MACROD2: variants seen among roughly 807,000 people sequenced by gnomAD.
The protein encoded by MACROD2 is mono-ADP ribosylhydrolase 2.
MACROD2 carries 36 observed loss-of-function variants against 70.4 expected under a neutral mutation model. The ratio of observed to expected loss-of-function variants is 0.51; its 90% CI spans 0.39 to 0.68. The LOEUF (loss-of-function observed/expected upper bound fraction) is 0.68, where lower values mean the gene tolerates loss of function less well. Ranked by LOEUF, MACROD2 falls within the 30% of genes least tolerant of loss-of-function variation. The probability of loss-of-function intolerance (pLI) is 0.00; values close to 1 mark genes in which losing one functional copy is unlikely to be tolerated. For missense variants in MACROD2, 496 were observed against 538.4 expected, an observed-to-expected ratio of 0.92 and a Z score of 0.78; for synonymous variants, 172 against 178.8, an observed-to-expected ratio of 0.96 and a Z score of 0.30.
intron 5 of MACROD2, among the ~76,000 whole-genome samples, chr20:15,048,193 T>C (rs1484167254): frequency 6.6e-6 from 1 of 152,140 alleles, no homozygotes; most frequent in Non-Finnish European, 1.5e-5. Context: ...TGAGAATTGC[T>C]TGAACCCAGG....
intron 3 of MACROD2, among the ~76,000 whole-genome samples, chr20:14,440,413 C>T (rs1410293533): frequency 6.6e-6 from 1 of 151,962 alleles, no homozygotes; most frequent in Non-Finnish European, 1.5e-5. Flanking sequence ...ATGCGTGGCC[C>T]AAGACAATTC....
At chr20:14,515,463 A>ACACGCG (rs34190778) in intron 4 of MACROD2, among the ~76,000 whole-genome samples, 1 of 138,822 alleles carries the variant, frequency 7.2e-6, no homozygotes, top group African/African-American at 2.9e-5. Context: ...ATACACACAC[A>ACACGCG]CGCACACACA....
chr20:15,182,485 C>T (rs753260090), intron 5 of MACROD2, among the ~76,000 whole-genome samples: 2 of 151,968 alleles, frequency 1.3e-5, no homozygotes, highest in Non-Finnish European at 2.9e-5. Flanking sequence ...TTTCCTGGGG[C>T]GGAAGACCCT....
At chr20:15,105,305 G>T (rs1265044525) in intron 5 of MACROD2, among the ~76,000 whole-genome samples, 1 of 151,996 alleles carries the variant, frequency 6.6e-6, no homozygotes, top group Non-Finnish European at 1.5e-5. Context: ...TGATCTCTCA[G>T]GTTCAACTCC....
At chr20:15,969,234 C>T (rs776995729) in intron 13 of MACROD2, among the ~76,000 whole-genome samples, 6 of 151,848 alleles carry the variant, frequency 4.0e-5, no homozygotes, top group Non-Finnish European at 7.4e-5. Flanking sequence ...AAAATATTTA[C>T]TAGGAGTGAA....
intron 8 of MACROD2, among the ~76,000 whole-genome samples, chr20:15,800,463 TAA>T (rs1400845028): frequency 6.6e-6 from 1 of 152,208 alleles, no homozygotes; most frequent in Non-Finnish European, 1.5e-5. Context: ...AATTTTTGTA[TAA>T]GAGATAAAGG....
At chr20:14,502,641 A>G (rs1323896592) in intron 4 of MACROD2, among the ~76,000 whole-genome samples, 1 of 152,210 alleles carries the variant, frequency 6.6e-6, no homozygotes, top group Non-Finnish European at 1.5e-5. Flanking sequence ...CATTATTATT[A>G]ATATTATAGT....
chr20:15,744,466 A>G (rs533180398), intron 8 of MACROD2, among the ~76,000 whole-genome samples: 2 of 152,308 alleles, frequency 1.3e-5, no homozygotes, highest in South Asian at 2.1e-4. Flanking sequence ...TGGCAGAGTT[A>G]TACTTGCTGT....
chr20:14,152,678 C>T (rs556086125), intron 3 of MACROD2, among the ~76,000 whole-genome samples: 3 of 152,242 alleles, frequency 2.0e-5, no homozygotes, highest in East Asian at 1.9e-4. Flanking sequence ...CCACCCACCT[C>T]GGCCTCCCAA....
At chr20:14,955,929 A>T (rs1437567357) in intron 5 of MACROD2, among the ~76,000 whole-genome samples, 1 of 152,164 alleles carries the variant, frequency 6.6e-6, no homozygotes, top group Non-Finnish European at 1.5e-5. Flanking sequence ...CAATGAGATT[A>T]ACCATATTTA....
chr20:15,057,922 T>A (rs1257397538), intron 5 of MACROD2, among the ~76,000 whole-genome samples: 1 of 152,186 alleles, frequency 6.6e-6, no homozygotes, highest in Admixed American at 6.5e-5. Flanking sequence ...AAATGAAAAC[T>A]TGATTTGTCT....
At chr20:15,366,269 C>T (rs908466141) in intron 6 of MACROD2, among the ~76,000 whole-genome samples, 2 of 152,044 alleles carry the variant, frequency 1.3e-5, no homozygotes, top group African/African-American at 4.8e-5. Flanking sequence ...AGTAATTTTT[C>T]CCCCCACTAG....
At position 15,528,490 on chromosome 20, in the gene MACROD2, G is replaced by A. The variant is rs563377187; in HGVS notation, c.645+28643G>A. 2.3e-4 allele frequency among the ~76,000 whole-genome samples: 35 copies of A among 152,298 alleles called. 1 individual carries two copies. The South Asian group carries it at 6.8e-3, about 30-fold the overall frequency. On this transcript the variant is annotated intron_variant, in intron 8 of 17. Transcript: ENST00000684519. ...TTGGCTTCCTACAATGCACAGAACA[G>A]TCTCTTACCACAAAGGATTATCTGG...
chr20:14,391,830 G>A (rs889925068), intron 3 of MACROD2, among the ~76,000 whole-genome samples: 3 of 145,208 alleles, frequency 2.1e-5, no homozygotes, highest in African/African-American at 7.7e-5. Context: ...TGGGGGAAAG[G>A]AGGGAGGTGG....
Position 14,013,803 on chromosome 20 carries a change from C to T in MACROD2, c.163+11399C>T, listed in dbSNP as rs371046304. Among the ~76,000 whole-genome samples, 5 of 151,548 alleles carry T rather than the reference C, an allele frequency of 3.3e-5. No individual in the cohort carries two copies. The East Asian group carries it at 5.8e-4, about 18-fold the overall frequency. ...GTTCCAGCAGTTCTCCTGCCTCAGC[C>T]TCCCGAGTCGCTGGGGTTACAGGCG... On this transcript the variant is annotated intron_variant, in intron 2 of 17. Coordinates refer to ENST00000684519, the MANE Select transcript of MACROD2 (RefSeq NM_001351661.2).
At chr20:15,923,126 A>C (rs1038088598) in intron 10 of MACROD2, among the ~76,000 whole-genome samples, 10 of 152,168 alleles carry the variant, frequency 6.6e-5, no homozygotes, top group Admixed American at 5.9e-4. Flanking sequence ...TTCTACTTTT[A>C]CCTGTTAATA....
Position 16,047,348 on chromosome 20 carries a change from G to A in MACROD2, c.1301-2482G>A, listed in dbSNP as rs142547308. ...TATAATTTGTAATTGTAAAAAATCA[G>A]GGATAGCATAAGGATACAACAGGGA... is the stretch of plus-strand genomic sequence containing the variant. On this transcript the variant is annotated intron_variant, in intron 17 of 17. Transcript: ENST00000684519. 3.3e-5 allele frequency among the ~76,000 whole-genome samples: 5 copies of A among 152,270 alleles called. No homozygotes were observed. The East Asian group carries it at 9.7e-4, about 29-fold the overall frequency.
chr20:15,060,577 T>C (rs998966407), intron 5 of MACROD2, among the ~76,000 whole-genome samples: 4 of 152,084 alleles, frequency 2.6e-5, no homozygotes, highest in African/African-American at 9.7e-5. Context: ...TCTTCCAACT[T>C]TCCCCCAGCG....
In MACROD2 at chr20:14,359,352, A is replaced by G. The variant is rs535618515; in HGVS notation, c.272-134127A>G. Among the ~76,000 whole-genome samples the G allele has an allele frequency of 4.6e-5, 7 of 152,348 alleles. No individual in the cohort carries two copies. The East Asian group carries it at 1.4e-3, about 29-fold the overall frequency. ...TGAGGATGTGGAGCAAAGAGAACTCATGCACATTTTTGGTGGGAATGTAAA... is the reference window on the plus strand; with the variant it reads ...TGAGGATGTGGAGCAAAGAGAACTCGTGCACATTTTTGGTGGGAATGTAAA... On this transcript the variant is annotated intron_variant, in intron 3 of 17. Transcript: ENST00000684519.
Sources: gnomAD v4.1 joint callset for allele counts (sites outside exome capture counted in the v4.1 genomes callset) on GRCh38, gnomAD v4.1.1 for gene constraint, MANE v1.5 for transcripts, NCBI Gene and HGNC (gene_info 2026-07-23, HGNC 2026-07-21) for gene names.